CTNND2: variants seen among roughly 807,000 people sequenced by gnomAD.
CTNND2 encodes the protein catenin delta 2, also known as catenin delta-2.
In CTNND2, 22 loss-of-function variants were observed where a neutral mutation model predicts 144.4. That is an observed-to-expected ratio of 0.15 (90% CI 0.11 to 0.22). The LOEUF is 0.22. Ranked by LOEUF, CTNND2 falls within the 10% of genes least tolerant of loss-of-function variation. The probability of loss-of-function intolerance (pLI) is 1.00; values close to 1 mark genes in which losing one functional copy is unlikely to be tolerated. For missense variants in CTNND2, 1,353 were observed against 1,618.8 expected (o/e 0.84, Z 2.82); for synonymous variants, 751 against 695.6 (o/e 1.08, Z -1.25).
intron 12 of CTNND2, among the ~76,000 whole-genome samples, chr5:11,151,582 G>A (rs936682723): frequency 5.9e-5 from 9 of 152,058 alleles, no homozygotes; most frequent in Non-Finnish European, 8.8e-5. Flanking sequence ...ATTCATTCAC[G>A]CTGAAAAGAT....
At chr5:11,824,655 G>A (rs1427982074) in intron 1 of CTNND2, among the ~76,000 whole-genome samples, 3 of 152,136 alleles carry the variant, frequency 2.0e-5, no homozygotes, top group South Asian at 2.1e-4. Context: ...AGATGCCGAC[G>A]AGGTCCTAAA....
chr5:11,137,425 C>T (rs1296276808), intron 12 of CTNND2, among the ~76,000 whole-genome samples: 1 of 152,100 alleles, frequency 6.6e-6, no homozygotes, highest in African/African-American at 2.4e-5. Flanking sequence ...TACATACACC[C>T]CAACGTGTCC....
Position 11,590,117 on chromosome 5 carries a change from T to C in CTNND2, c.175-25061A>G, listed in dbSNP as rs1358720567. On this transcript the variant is annotated intron_variant, in intron 2 of 21. Transcript: ENST00000304623. ...CTGGAGTGCAGTGACGCGATCTAAG[T>C]GCACTGCAAGCTCCGCCTCCTGGGT... Among the ~76,000 whole-genome samples the C allele has an allele frequency of 2.0e-5, 3 of 151,384 alleles. No individual in the cohort carries two copies. The East Asian group carries it at 5.9e-4, about 30-fold the overall frequency.
At chr5:11,173,116 C>A (rs1176105568) in intron 11 of CTNND2, among the ~76,000 whole-genome samples, 1 of 152,262 alleles carries the variant, frequency 6.6e-6, no homozygotes, top group African/African-American at 2.4e-5. Context: ...TCAGGACTCA[C>A]ATTGTCATAA....
intron 3 of CTNND2, among the ~76,000 whole-genome samples, chr5:11,561,788 T>A (rs1286296919): frequency 6.6e-6 from 1 of 152,182 alleles, no homozygotes; most frequent in Non-Finnish European, 1.5e-5. Context: ...ATGCCTGTAG[T>A]CCCAGCACTT....
At chr5:11,264,749 G>A (rs1174175157) in intron 9 of CTNND2, among the ~76,000 whole-genome samples, 1 of 152,118 alleles carries the variant, frequency 6.6e-6, no homozygotes, top group East Asian at 1.9e-4. Context: ...AGGCAACATG[G>A]GGAAACCCTG....
At chr5:11,209,953 T>G (rs1253962152) in intron 10 of CTNND2, among the ~76,000 whole-genome samples, 1 of 151,940 alleles carries the variant, frequency 6.6e-6, no homozygotes, top group African/African-American at 2.4e-5. Context: ...GTAAATATAA[T>G]TTTAATATAT....
intron 2 of CTNND2, among the ~76,000 whole-genome samples, chr5:11,611,028 C>A (rs1780296992): frequency 6.6e-6 from 1 of 152,184 alleles, no homozygotes; most frequent in African/African-American, 2.4e-5. Flanking sequence ...TTCCCATATT[C>A]TCCATGTGTC....
chr5:11,169,962 C>T (rs532607346), intron 11 of CTNND2, among the ~76,000 whole-genome samples: 55 of 152,206 alleles, frequency 3.6e-4, no homozygotes, highest in Non-Finnish European at 6.2e-4. Flanking sequence ...AAACACAACA[C>T]AAATTGTAGC....
At chr5:11,768,952 A>G (rs1045398862) in intron 1 of CTNND2, among the ~76,000 whole-genome samples, 1 of 152,134 alleles carries the variant, frequency 6.6e-6, no homozygotes, top group Non-Finnish European at 1.5e-5. Flanking sequence ...AATCCAGCCC[A>G]TTTCTCATTA....
chr5:11,015,139 T>A (rs1023055407), intron 18 of CTNND2, among the ~76,000 whole-genome samples: 6 of 152,210 alleles, frequency 3.9e-5, no homozygotes, highest in African/African-American at 1.4e-4. Context: ...TTAAAAGATA[T>A]GGATCAGACA....
chr5:11,409,084 GT>G lies in CTNND2; in HGVS notation c.439+2451del, dbSNP rs563814077. 5.1e-4 allele frequency among the ~76,000 whole-genome samples: 78 copies of G among 151,932 alleles called. 2 individuals are homozygous for G. In the South Asian group the frequency reaches 0.011, roughly 21 times the overall value. On this transcript the variant is annotated intron_variant, in intron 5 of 21. Coordinates refer to ENST00000304623, the MANE Select transcript of CTNND2 (RefSeq NM_001332.4). The stretch of plus-strand genomic sequence containing the variant: ...TGAAGTTAAGATATCCTCTGAATGT[GT>G]TTTTTCCCCCATACTTCTGTTTTTA...
chr5:11,128,265 G>A (rs11743332), intron 12 of CTNND2, among the ~76,000 whole-genome samples: 7,088 of 152,036 alleles, frequency 0.047, 241 homozygotes, highest in East Asian at 0.096. Context: ...CATTAGGAGT[G>A]CAGGAGCTGA....
intron 2 of CTNND2, among the ~76,000 whole-genome samples, chr5:11,632,381 G>A (rs1320619291): frequency 6.6e-6 from 1 of 152,168 alleles, no homozygotes; most frequent in East Asian, 1.9e-4. Context: ...CCTGACTAAG[G>A]ATGCAAACTC....
At chr5:11,283,924 C>G (rs572647657) in intron 9 of CTNND2, among the ~76,000 whole-genome samples, 3 of 152,204 alleles carry the variant, frequency 2.0e-5, no homozygotes, top group Non-Finnish European at 4.4e-5. Context: ...TTCACGTCGT[C>G]TGACGTGTAT....
At chr5:11,832,450 C>A (rs533123556) in intron 1 of CTNND2, among the ~76,000 whole-genome samples, 15 of 152,134 alleles carry the variant, frequency 9.9e-5, no homozygotes, top group African/African-American at 3.6e-4. Context: ...CAAATAAAAA[C>A]CCTTACTACT....
chr5:11,829,277 C>G (rs1041847757), intron 1 of CTNND2, among the ~76,000 whole-genome samples: 6 of 152,188 alleles, frequency 3.9e-5, no homozygotes, highest in South Asian at 2.1e-4. Context: ...AAGTAATGAA[C>G]AGCCAAATGT....
rs370870193 is a variant in CTNND2 at position 11,707,100 on chromosome 5, A to G, written c.174+25036T>C. Among the ~76,000 whole-genome samples, 4 of 151,930 alleles carry G rather than the reference A, an allele frequency of 2.6e-5. No homozygotes were observed. In the East Asian group the frequency reaches 5.8e-4, roughly 22 times the overall value. Reference sequence around the variant, plus strand: ...TACTCCATCTCAAAAAAAAAAAAAAAGAAAGTGAAAATTAGGTGTCCCACA... The same window carrying G: ...TACTCCATCTCAAAAAAAAAAAAAAGGAAAGTGAAAATTAGGTGTCCCACA... On this transcript the variant is annotated intron_variant, in intron 2 of 21. Coordinates refer to ENST00000304623, the MANE Select transcript of CTNND2 (RefSeq NM_001332.4).
intron 14 of CTNND2, among the ~76,000 whole-genome samples, chr5:11,104,074 C>T (rs1474649367): frequency 2.6e-5 from 4 of 152,204 alleles, no homozygotes; most frequent in South Asian, 2.1e-4. Flanking sequence ...ACTGCTGAGT[C>T]GTATCTTCAG....
Sources: gnomAD v4.1 joint callset for allele counts (sites outside exome capture counted in the v4.1 genomes callset) on GRCh38, gnomAD v4.1.1 for gene constraint, MANE v1.5 for transcripts, NCBI Gene and HGNC (gene_info 2026-07-23, HGNC 2026-07-21) for gene names.